Variants in CDH10 observed in about 807,000 individuals in gnomAD.
CDH10 encodes cadherin-10.
Under a neutral mutation model 73.1 loss-of-function variants are expected in CDH10, and 30 were observed. The observed-to-expected ratio is 0.41, with a 90% CI of 0.31 to 0.56. The LOEUF is 0.56. Ranked by LOEUF, CDH10 falls within the 20% of genes least tolerant of loss-of-function variation. The probability of loss-of-function intolerance (pLI) is 0.27; values close to 1 mark genes in which losing one functional copy is unlikely to be tolerated. For synonymous variants in CDH10, 345 were observed against 348.2 expected, an observed-to-expected ratio of 0.99 and a Z score of 0.10; for missense variants, 815 against 973.7, an observed-to-expected ratio of 0.84 and a Z score of 2.17.
At chr5:24,535,328 T>C (rs1434143530) in intron 4 of CDH10, 49 bp from the exon 5 acceptor site, 3 of 1,512,208 alleles carry the variant, frequency 2.0e-6, no homozygotes, top group Non-Finnish European at 2.7e-6. Flanking sequence ...AAATCTCCAT[T>C]GTTATTTTAT....
intron 2 of CDH10, among the ~76,000 whole-genome samples, chr5:24,567,903 C>T (rs1423293791): frequency 6.6e-6 from 1 of 151,788 alleles, no homozygotes; most frequent in Non-Finnish European, 1.5e-5. Flanking sequence ...CTTTCTTTTC[C>T]TTTTGTCAGC....
chr5:24,626,577 A>C (rs1245693019), intron 1 of CDH10, among the ~76,000 whole-genome samples: 1 of 152,076 alleles, frequency 6.6e-6, no homozygotes, highest in African/African-American at 2.4e-5. Context: ...ATTTTATATC[A>C]TAACTTTGAT....
intron 1 of CDH10, among the ~76,000 whole-genome samples, chr5:24,633,867 A>T (rs570180938): frequency 6.6e-6 from 1 of 151,964 alleles, no homozygotes; most frequent in African/African-American, 2.4e-5. Context: ...AAAAACGTCT[A>T]AAGCCAGAAA....
At chr5:24,533,329 AAAT>A (rs1743816725) in intron 5 of CDH10, among the ~76,000 whole-genome samples, 1 of 151,654 alleles carries the variant, frequency 6.6e-6, no homozygotes, top group East Asian at 2.0e-4. Context: ...TCACTCTCAA[AAAT>A]AATAATAATA....
At chr5:24,626,725 G>T (rs1282028290) in intron 1 of CDH10, among the ~76,000 whole-genome samples, 2 of 151,500 alleles carry the variant, frequency 1.3e-5, no homozygotes, top group Non-Finnish European at 2.9e-5. Context: ...AGTGAGCGGA[G>T]AACATGCCAC....
At chr5:24,594,779 T>G (rs1213848809) in intron 1 of CDH10, among the ~76,000 whole-genome samples, 1 of 152,134 alleles carries the variant, frequency 6.6e-6, no homozygotes, top group Non-Finnish European at 1.5e-5. Flanking sequence ...TCCAGTATAC[T>G]CCATGTATTT....
At position 24,533,789 on chromosome 5, in the gene CDH10, T is replaced by C. The variant is rs563388556; in HGVS notation, c.814+1323A>G. The stretch of plus-strand genomic sequence containing the variant: ...ATTGGTTTTATTTTTCTTACCAATA[T>C]TAAAGGTAACCTGGAGCTGAAACCT... On this transcript the variant is annotated intron_variant, in intron 5 of 11. Coordinates refer to ENST00000264463, the MANE Select transcript of CDH10 (RefSeq NM_006727.5). 4.6e-5 allele frequency among the ~76,000 whole-genome samples: 7 copies of C among 152,166 alleles called. No individual in the cohort carries two copies. The South Asian group carries it at 1.5e-3, about 32-fold the overall frequency.
intron 6 of CDH10, among the ~76,000 whole-genome samples, chr5:24,510,978 T>C (rs1742881031): frequency 6.6e-6 from 1 of 152,178 alleles, no homozygotes; most frequent in Non-Finnish European, 1.5e-5. Context: ...TACCCCCAAC[T>C]GGGATGATAT....
intron 9 of CDH10, among the ~76,000 whole-genome samples, chr5:24,495,773 A>G (rs2111667447): frequency 6.6e-6 from 1 of 151,186 alleles, no homozygotes; most frequent in South Asian, 2.1e-4. Context: ...CTTGAACCGA[A>G]CCCAGGAGGC....
intron 1 of CDH10, among the ~76,000 whole-genome samples, chr5:24,609,133 A>G (rs1746858207): frequency 6.6e-6 from 1 of 152,222 alleles, no homozygotes; most frequent in South Asian, 2.1e-4. Context: ...GGACAAAACT[A>G]AGAATAAAAT....
At chr5:24,638,371 G>A (rs899674658) in intron 1 of CDH10, among the ~76,000 whole-genome samples, 1 of 151,578 alleles carries the variant, frequency 6.6e-6, no homozygotes, top group African/African-American at 2.4e-5. Flanking sequence ...AGCAAGAAGG[G>A]GGGGAAGTCA....
intron 2 of CDH10, among the ~76,000 whole-genome samples, chr5:24,572,986 C>A (rs959222111): frequency 9.4e-6 from 1 of 106,510 alleles, no homozygotes; most frequent in Non-Finnish European, 2.2e-5. Flanking sequence ...AACAAAAAGA[C>A]GTACACAAAA....
At chr5:24,598,586 T>G (rs1746453207) in intron 1 of CDH10, among the ~76,000 whole-genome samples, 1 of 151,388 alleles carries the variant, frequency 6.6e-6, no homozygotes, top group Non-Finnish European at 1.5e-5. Flanking sequence ...CTTATTTGTA[T>G]TTAACATGAC....
At chr5:24,542,657 G>A (rs1328810869) in intron 2 of CDH10, among the ~76,000 whole-genome samples, 1 of 152,156 alleles carries the variant, frequency 6.6e-6, no homozygotes, top group Non-Finnish European at 1.5e-5. Flanking sequence ...ACCACAGACT[G>A]GGTGGCTTAT....
At chr5:24,581,285 A>G (rs1745787875) in intron 2 of CDH10, among the ~76,000 whole-genome samples, 1 of 152,150 alleles carries the variant, frequency 6.6e-6, no homozygotes, top group Non-Finnish European at 1.5e-5. Context: ...TGCAGTAACT[A>G]TTTCTTCTTC....
At chr5:24,563,141 G>A (rs1362747475) in intron 2 of CDH10, among the ~76,000 whole-genome samples, 2 of 152,144 alleles carry the variant, frequency 1.3e-5, no homozygotes, top group Non-Finnish European at 2.9e-5. Flanking sequence ...TTGACTTTCA[G>A]CATCTTTGAG....
chr5:24,598,670 T>G lies in CDH10; in HGVS notation c.-123-5057A>C, dbSNP rs144049823. 5.3e-5 allele frequency among the ~76,000 whole-genome samples: 8 copies of G among 152,162 alleles called. No individual in the cohort carries two copies. The East Asian group carries it at 1.5e-3, about 29-fold the overall frequency. On this transcript the variant is annotated intron_variant, in intron 1 of 11. Coordinates refer to ENST00000264463, the MANE Select transcript of CDH10 (RefSeq NM_006727.5). ...TGAATGAAATATACAACACAAAGGT[T>G]TGGTAGTCTTAGATAAGTTATCAAC...
intron 7 of CDH10, among the ~76,000 whole-genome samples, chr5:24,506,216 A>G (rs1289937133): frequency 6.6e-6 from 1 of 152,192 alleles, no homozygotes; most frequent in Non-Finnish European, 1.5e-5. Flanking sequence ...GTCTATATGC[A>G]TTTGAAAAAC....
chr5:24,643,067 G>A (rs1240676532), intron 1 of CDH10, among the ~76,000 whole-genome samples: 1 of 151,214 alleles, frequency 6.6e-6, no homozygotes, highest in Non-Finnish European at 1.5e-5. Flanking sequence ...ACAGATCCAC[G>A]CTGTTTACAC....
Sources: allele counts gnomAD v4.1 joint callset (sites outside exome capture counted in the v4.1 genomes callset), GRCh38; gene constraint gnomAD v4.1.1; transcripts MANE v1.5; gene names NCBI Gene and HGNC (gene_info 2026-07-23, HGNC 2026-07-21).